ARID5B: variants seen among roughly 807,000 people sequenced by gnomAD.
ARID5B encodes the protein AT-rich interaction domain 5B.
A neutral mutation model predicts 97.2 loss-of-function variants in ARID5B; 13 were observed. The ratio of observed to expected loss-of-function variants is 0.13; its 90% CI spans 0.09 to 0.21. ARID5B has a LOEUF of 0.21. ARID5B is among the 10% of genes least tolerant of loss of function. ARID5B has a pLI of 1.00. For missense variants in ARID5B, 1,210 were observed against 1,465.3 expected, an observed-to-expected ratio of 0.83 and a Z score of 2.84; for synonymous variants, 556 against 570.3, an observed-to-expected ratio of 0.97 and a Z score of 0.36.
intron 3 of ARID5B, among the ~76,000 whole-genome samples, chr10:61,993,320 T>C (rs905602090): frequency 2.0e-5 from 3 of 152,160 alleles, no homozygotes; most frequent in Admixed American, 1.3e-4. Flanking sequence ...TAACCACGAA[T>C]TGATAAAGTT....
At chr10:61,981,646 TA>T (rs1385828945) in intron 3 of ARID5B, among the ~76,000 whole-genome samples, 1 of 152,138 alleles carries the variant, frequency 6.6e-6, no homozygotes, top group African/African-American at 2.4e-5. Context: ...GTGGTGTTAA[TA>T]AACATCAGGA....
At chr10:62,074,545 TTTAAG>T (rs149259374) in intron 8 of ARID5B, among the ~76,000 whole-genome samples, 8,474 of 152,258 alleles carry the variant, frequency 0.056, 340 homozygotes, top group Non-Finnish European at 0.086. Context: ...AAGCATGTGC[TTTAAG>T]TTAAGGACCA....
intron 2 of ARID5B, among the ~76,000 whole-genome samples, chr10:61,923,330 AT>A (rs1017406871): frequency 2.0e-5 from 3 of 152,102 alleles, no homozygotes; most frequent in Non-Finnish European, 4.4e-5. Context: ...AATTTCAGTC[AT>A]CCCCGCTTCC....
intron 2 of ARID5B, among the ~76,000 whole-genome samples, chr10:61,903,511 C>G (rs1191681205): frequency 6.6e-6 from 1 of 152,098 alleles, no homozygotes; most frequent in East Asian, 1.9e-4. Context: ...CACGGCGCAG[C>G]GGGGAGGGAG....
At chr10:61,918,563 A>T (rs1843950605) in intron 2 of ARID5B, among the ~76,000 whole-genome samples, 1 of 152,190 alleles carries the variant, frequency 6.6e-6, no homozygotes, top group African/African-American at 2.4e-5. Flanking sequence ...TTATTTGAAA[A>T]ACAGGAACTA....
chr10:61,983,966 C>A (rs1260431758), intron 3 of ARID5B, among the ~76,000 whole-genome samples: 7 of 23,672 alleles, frequency 3.0e-4, no homozygotes, highest in Non-Finnish European at 7.8e-4. Context: ...CGGCTCACTG[C>A]AAGCTCCGCT....
rs563409882 is a variant in ARID5B at position 61,903,915 on chromosome 10, C to T, written c.276+1502C>T. Among the ~76,000 whole-genome samples the T allele has an allele frequency of 3.5e-3, 523 of 148,008 alleles. 2 individuals carry two copies. The highest frequency in any genetic ancestry group is 4.1e-3 in the South Asian group (19 of 4,600). ...TCCCCCCTCCACCCTCCCCGGCCAG[C>T]TTTGGTTTTTAAATGTTCATATTTC... On this transcript the variant is annotated intron_variant, in intron 2 of 9. Transcript: ENST00000279873.
intron 4 of ARID5B, among the ~76,000 whole-genome samples, chr10:62,013,425 C>T (rs758877632): frequency 2.0e-5 from 3 of 152,132 alleles, no homozygotes; most frequent in South Asian, 2.1e-4. Flanking sequence ...CATTACCTCA[C>T]ATACTTAACT....
At chr10:62,011,191 G>A (rs888141837) in intron 4 of ARID5B, among the ~76,000 whole-genome samples, 8 of 152,064 alleles carry the variant, frequency 5.3e-5, no homozygotes, top group South Asian at 2.1e-4. Flanking sequence ...TTCCTCGTCC[G>A]GTCCCAGGCA....
chr10:62,081,315 A>G (rs1296120071), intron 8 of ARID5B, among the ~76,000 whole-genome samples: 1 of 152,270 alleles, frequency 6.6e-6, no homozygotes, highest in Non-Finnish European at 1.5e-5. Flanking sequence ...GGATTCAATC[A>G]GTTCCAGACA....
chr10:62,092,393 A>T lies in ARID5B; in HGVS notation c.2930A>T (p.Lys977Ile). Residue 977 changes from lysine (K) to isoleucine (I), a missense_variant, in exon 10 of 10, where the codon AAA becomes ATA. Physicochemically the swap from Lys to Ile is moderately radical, Grantham distance 102 (BLOSUM62 -3). Coordinates refer to ENST00000279873, the MANE Select transcript of ARID5B (RefSeq NM_032199.3). ...KYPESLSRSG[K>I]PHHVRLENFR... ...CCTGAATCGCTTTCAAGATCAGGAA[A>T]ACCTCACCATGTGAGACTGGAGAAT... 1 of 1,614,224 alleles carries T rather than the reference A, an allele frequency of 6.2e-7. No homozygotes were observed. The highest frequency in any genetic ancestry group is 8.5e-7 in the Non-Finnish European group (1 of 1,180,028).
At chr10:62,056,883 T>C (rs1393307833) in intron 5 of ARID5B, among the ~76,000 whole-genome samples, 1 of 152,200 alleles carries the variant, frequency 6.6e-6, no homozygotes, top group Non-Finnish European at 1.5e-5. Context: ...AGAGACTGTA[T>C]GACCCAGAAG....
intron 5 of ARID5B, 105 bp downstream of exon 5, chr10:62,051,105 C>A: frequency 1.1e-6 from 1 of 938,904 alleles, no homozygotes; most frequent in Non-Finnish European, 1.7e-6. Flanking sequence ...TTCAATTCAG[C>A]ATCTGACTTT....
chr10:62,018,001 T>G (rs913202972), intron 4 of ARID5B, among the ~76,000 whole-genome samples: 1 of 152,226 alleles, frequency 6.6e-6, no homozygotes, highest in Non-Finnish European at 1.5e-5. Context: ...AGAATATTTT[T>G]AAAGAAGTGG....
At chr10:61,933,112 G>T (rs974682466) in intron 2 of ARID5B, among the ~76,000 whole-genome samples, 8 of 152,152 alleles carry the variant, frequency 5.3e-5, no homozygotes, top group Non-Finnish European at 7.4e-5. Context: ...ATTGTTGACA[G>T]CATCTTCACC....
intron 9 of ARID5B, among the ~76,000 whole-genome samples, chr10:62,090,023 A>T (rs1214235447): frequency 6.6e-6 from 1 of 152,246 alleles, no homozygotes; most frequent in Non-Finnish European, 1.5e-5. Context: ...TGCATAATGC[A>T]GTAAATGAGT....
chr10:61,940,443 G>A (rs755885787), intron 3 of ARID5B, 35 bp downstream of exon 3: 1 of 1,555,784 alleles, frequency 6.4e-7, no homozygotes, highest in Admixed American at 1.9e-5. Context: ...TCTAATGTGT[G>A]GGCGTATATA....
chr10:62,010,943 A>G (rs1839208866), intron 4 of ARID5B, among the ~76,000 whole-genome samples: 1 of 152,256 alleles, frequency 6.6e-6, no homozygotes, highest in Non-Finnish European at 1.5e-5. Flanking sequence ...GGTCAGGAAT[A>G]TAATATAGAT....
At chr10:62,017,256 C>A (rs1369768027) in intron 4 of ARID5B, among the ~76,000 whole-genome samples, 1 of 152,068 alleles carries the variant, frequency 6.6e-6, no homozygotes, top group Non-Finnish European at 1.5e-5. Flanking sequence ...AGTTGAAGAC[C>A]AGCCTGGCCA....
Sources: gnomAD v4.1 joint callset for allele counts (sites outside exome capture counted in the v4.1 genomes callset) on GRCh38, gnomAD v4.1.1 for gene constraint, MANE v1.5 for transcripts, NCBI Gene and HGNC (gene_info 2026-07-23, HGNC 2026-07-21) for gene names.